Variants in KCNH7 observed in about 807,000 individuals in gnomAD.
KCNH7 encodes the protein potassium voltage-gated channel subfamily H member 7, also known as voltage-gated inwardly rectifying potassium channel KCNH7.
A neutral mutation model predicts 120.8 loss-of-function variants in KCNH7; 49 were observed. The observed-to-expected ratio is 0.41, with a 90% CI of 0.32 to 0.51. The LOEUF is 0.51. Ranked by LOEUF, KCNH7 falls within the 20% of genes least tolerant of loss-of-function variation. The pLI is 0.38. For synonymous variants in KCNH7, 547 were observed against 516.1 expected, an observed-to-expected ratio of 1.06 and a Z score of -0.81; for missense variants, 1,097 against 1,446.6, an observed-to-expected ratio of 0.76 and a Z score of 3.92.
Position 162,373,561 on chromosome 2 carries a change from G to A in KCNH7, c.3233C>T (p.Ser1078Leu), listed in dbSNP as rs1686045102. 1 of 1,596,426 alleles carries A rather than the reference G, an allele frequency of 6.3e-7. No individual in the cohort carries two copies. Among genetic ancestry groups the A allele is most frequent in the Non-Finnish European group, 8.5e-7 (1 of 1,171,370 alleles). Residue 1078 changes from serine (S) to leucine (L), a missense_variant, in exon 15 of 16, where the codon TCA becomes TTA. By Grantham distance (145) the Ser-to-Leu change is moderately radical. Transcript: ENST00000332142. ...CTGGATGATGGGTCTCTGATATTCTGATCCTGCTGTTACCATACTGTAGGC... is the reference window on the plus strand; with the variant it reads ...CTGGATGATGGGTCTCTGATATTCTAATCCTGCTGTTACCATACTGTAGGC... ...PPAYSMVTAG[S>L]EYQRPIIQLM... is the part of the protein sequence containing the mutation.
At chr2:162,586,024 C>T (rs1485983) in intron 2 of KCNH7, among the ~76,000 whole-genome samples, 94,771 of 151,872 alleles carry the variant, frequency 0.62, 30,895 homozygotes, top group African/African-American at 0.81. Flanking sequence ...ATTTTCTTCC[C>T]ATATAGTTAT....
intron 2 of KCNH7, among the ~76,000 whole-genome samples, chr2:162,724,632 A>T (rs186752688): frequency 0.01 from 1,547 of 148,172 alleles, 13 homozygotes; most frequent in Non-Finnish European, 0.015. Flanking sequence ...AGATCGCGCC[A>T]CTGCACTCCA....
At chr2:162,435,692 A>G (rs539347322) in intron 7 of KCNH7, 95 bp from the exon 8 acceptor site, 1 of 1,244,672 alleles carries the variant, frequency 8.0e-7, no homozygotes, top group South Asian at 1.6e-5. Context: ...TTAAGACAAT[A>G]GGGTAGCATT....
chr2:162,541,582 T>C (rs180779227), intron 2 of KCNH7, among the ~76,000 whole-genome samples: 23 of 151,954 alleles, frequency 1.5e-4, no homozygotes, highest in Non-Finnish European at 2.9e-4. Context: ...AGCAAAGTAA[T>C]GCAGGAACAG....
intron 2 of KCNH7, among the ~76,000 whole-genome samples, chr2:162,811,504 C>T (rs1389410045): frequency 2.0e-5 from 3 of 152,044 alleles, no homozygotes; most frequent in Admixed American, 6.6e-5. Context: ...AGGATTTTAC[C>T]CAACATCACA....
intron 2 of KCNH7, among the ~76,000 whole-genome samples, chr2:162,732,155 C>T (rs1014184663): frequency 2.6e-5 from 4 of 151,956 alleles, no homozygotes; most frequent in South Asian, 2.1e-4. Context: ...AATTCTAGGA[C>T]GATTTAGAGG....
At chr2:162,730,015 T>A (rs1165198625) in intron 2 of KCNH7, among the ~76,000 whole-genome samples, 1 of 151,868 alleles carries the variant, frequency 6.6e-6, no homozygotes, top group Non-Finnish European at 1.5e-5. Context: ...GCAAGTTAAT[T>A]TGAACAGGTT....
chr2:162,481,254 A>T (rs570068989), intron 6 of KCNH7, among the ~76,000 whole-genome samples: 2 of 152,040 alleles, frequency 1.3e-5, no homozygotes, highest in Non-Finnish European at 2.9e-5. Flanking sequence ...TTCCATATAC[A>T]TCTGGAGAAC....
intron 6 of KCNH7, among the ~76,000 whole-genome samples, chr2:162,460,715 T>G (rs1689119092): frequency 6.6e-6 from 1 of 152,204 alleles, no homozygotes; most frequent in South Asian, 2.1e-4. Context: ...CCTCTAGAAC[T>G]GCTAGAGATG....
intron 2 of KCNH7, among the ~76,000 whole-genome samples, chr2:162,793,278 A>T (rs1482215130): frequency 6.6e-6 from 1 of 151,924 alleles, no homozygotes; most frequent in Non-Finnish European, 1.5e-5. Context: ...GGGGAACAAC[A>T]CACACTGGGA....
intron 2 of KCNH7, among the ~76,000 whole-genome samples, chr2:162,789,196 T>C (rs1057407547): frequency 6.6e-6 from 1 of 151,896 alleles, no homozygotes; most frequent in Admixed American, 6.6e-5. Flanking sequence ...TCACAGTAAA[T>C]AAGAACATAA....
At chr2:162,411,074 C>A (rs912584275) in intron 9 of KCNH7, among the ~76,000 whole-genome samples, 1 of 152,012 alleles carries the variant, frequency 6.6e-6, no homozygotes, top group African/African-American at 2.4e-5. Flanking sequence ...GAGAACTATT[C>A]CATTCAACCC....
chr2:162,807,904 G>A (rs1351445153), intron 2 of KCNH7, among the ~76,000 whole-genome samples: 2 of 152,062 alleles, frequency 1.3e-5, no homozygotes, highest in South Asian at 2.1e-4. Context: ...GGCTGGTCTC[G>A]AACTCCTGAC....
Position 162,773,314 on chromosome 2 carries a change from C to T in KCNH7, c.307+63223G>A, listed in dbSNP as rs568566502. On this transcript the variant is annotated intron_variant, in intron 2 of 15. Transcript: ENST00000332142. ...ACCAGCCTGGCCAATATGGTGAAAC[C>T]CTGTCTCTACTAAAAATACAAAAAT... Among the ~76,000 whole-genome samples, 23 of 152,092 alleles carry T rather than the reference C, an allele frequency of 1.5e-4. 1 individual carries two copies. Among genetic ancestry groups the T allele is most frequent in the African/African-American group, 5.3e-4 (22 of 41,486 alleles).
intron 7 of KCNH7, among the ~76,000 whole-genome samples, chr2:162,437,845 C>A (rs542820460): frequency 1.3e-5 from 2 of 152,190 alleles, no homozygotes; most frequent in East Asian, 3.9e-4. Flanking sequence ...AAGTGGGGGC[C>A]TTTCCGTACT....
At chr2:162,589,848 C>A (rs1428962818) in intron 2 of KCNH7, among the ~76,000 whole-genome samples, 1 of 152,054 alleles carries the variant, frequency 6.6e-6, no homozygotes, top group Non-Finnish European at 1.5e-5. Context: ...ATGTCTGCTA[C>A]TAACTGTATT....
At chr2:162,544,429 T>G (rs1367201647) in intron 2 of KCNH7, among the ~76,000 whole-genome samples, 2 of 152,110 alleles carry the variant, frequency 1.3e-5, no homozygotes, top group Non-Finnish European at 2.9e-5. Context: ...TTAATATGAT[T>G]TAGATCCTCA....
At chr2:162,408,131 TGC>T (rs1464251646) in intron 9 of KCNH7, among the ~76,000 whole-genome samples, 1 of 152,026 alleles carries the variant, frequency 6.6e-6, no homozygotes, top group East Asian at 1.9e-4. Flanking sequence ...GACTCGCCAT[TGC>T]TGTCCATCAA....
At chr2:162,462,354 G>C (rs746680932) in intron 6 of KCNH7, among the ~76,000 whole-genome samples, 30 of 152,160 alleles carry the variant, frequency 2.0e-4, no homozygotes, top group Admixed American at 2.6e-4. Context: ...GTGTTTCATT[G>C]CTGTTTATTT....
Sources: gnomAD v4.1 joint callset for allele counts (sites outside exome capture counted in the v4.1 genomes callset) on GRCh38, gnomAD v4.1.1 for gene constraint, MANE v1.5 for transcripts, NCBI Gene and HGNC (gene_info 2026-07-23, HGNC 2026-07-21) for gene names.